Variants in PTPRZ1 observed in about 807,000 individuals in gnomAD.
The protein encoded by PTPRZ1 is receptor-type tyrosine-protein phosphatase zeta.
Under a neutral mutation model 214.1 loss-of-function variants are expected in PTPRZ1, and 82 were observed. The observed-to-expected ratio is 0.38, with a 90% confidence interval of 0.32 to 0.46. The LOEUF (loss-of-function observed/expected upper bound fraction) is 0.46, where lower values mean the gene tolerates loss of function less well. Ranked by LOEUF, PTPRZ1 falls within the 20% of genes least tolerant of loss-of-function variation. The pLI, the probability that PTPRZ1 is intolerant of heterozygous loss-of-function variation, is 1.00. For missense variants in PTPRZ1, 2,603 were observed against 2,748.7 expected, an observed-to-expected ratio of 0.95 and a Z score of 1.19; for synonymous variants, 945 against 987.9, an observed-to-expected ratio of 0.96 and a Z score of 0.81.
chr7:121,874,818 C>A, intron 1 of PTPRZ1, among the ~76,000 whole-genome samples: 1 of 152,064 alleles, frequency 6.6e-6, no homozygotes, highest in East Asian at 1.9e-4. Flanking sequence ...ATTCTAAAAC[C>A]TTATAGTCAG....
At chr7:122,030,990 G>C (rs1562872410) in intron 14 of PTPRZ1, among the ~76,000 whole-genome samples, 1 of 151,882 alleles carries the variant, frequency 6.6e-6, no homozygotes, top group Non-Finnish European at 1.5e-5. Flanking sequence ...AGGAAAAAAT[G>C]TTTTCAAATG....
At chr7:121,932,198 C>T (rs1416944438) in intron 2 of PTPRZ1, among the ~76,000 whole-genome samples, 1 of 152,108 alleles carries the variant, frequency 6.6e-6, no homozygotes, top group Admixed American at 6.5e-5. Context: ...AAATGAAATT[C>T]TTTATCCAAA....
intron 2 of PTPRZ1, among the ~76,000 whole-genome samples, chr7:121,952,269 T>TG (rs61517994): frequency 0.93 from 142,041 of 152,004 alleles, 66,658 homozygotes; most frequent in South Asian, 0.98. Flanking sequence ...GTGTTTTTTT[T>TG]TTTGTTTGTT....
At chr7:122,021,444 G>C (rs1344648528) in intron 13 of PTPRZ1, among the ~76,000 whole-genome samples, 1 of 152,006 alleles carries the variant, frequency 6.6e-6, no homozygotes, top group Non-Finnish European at 1.5e-5. Context: ...ATATATATGA[G>C]TATTTTGGCC....
intron 2 of PTPRZ1, among the ~76,000 whole-genome samples, chr7:121,944,835 G>A (rs1796324763): frequency 6.6e-6 from 1 of 152,102 alleles, no homozygotes; most frequent in South Asian, 2.1e-4. Context: ...TAGAGACGGG[G>A]TTTCAACATG....
intron 1 of PTPRZ1, among the ~76,000 whole-genome samples, chr7:121,924,974 T>C (rs529152287): frequency 2.6e-5 from 4 of 152,306 alleles, no homozygotes; most frequent in East Asian, 3.9e-4. Context: ...TTGTGTCTCT[T>C]GAAGGCAAGC....
intron 1 of PTPRZ1, among the ~76,000 whole-genome samples, chr7:121,903,949 G>C (rs1244204928): frequency 7.4e-6 from 1 of 135,576 alleles, no homozygotes; most frequent in Non-Finnish European, 1.6e-5. Context: ...GCAGGATTCT[G>C]TTCCAGTCTT....
At chr7:121,907,136 T>TA (rs11463328) in intron 1 of PTPRZ1, among the ~76,000 whole-genome samples, 92,824 of 151,818 alleles carry the variant, frequency 0.61, 30,534 homozygotes, top group African/African-American at 0.86. Context: ...TAATGCATGA[T>TA]AAAAAGAATA....
At chr7:121,973,852 TGA>T (rs1237445273) in intron 4 of PTPRZ1, among the ~76,000 whole-genome samples, 8 of 142,700 alleles carry the variant, frequency 5.6e-5, no homozygotes, top group Admixed American at 7.6e-5. Context: ...GGGAATCACT[TGA>T]ACTCAGGAGG....
At chr7:122,008,257 G>T (rs1798551486) in intron 11 of PTPRZ1, among the ~76,000 whole-genome samples, 1 of 152,042 alleles carries the variant, frequency 6.6e-6, no homozygotes, top group Non-Finnish European at 1.5e-5. Flanking sequence ...ACATATCTTT[G>T]GGGAACTTTT....
rs186381192 is a variant in PTPRZ1, at chr7:121,963,173, T to C, written c.125-4778T>C. Among the ~76,000 whole-genome samples, 193 of 152,324 alleles carry C rather than the reference T, an allele frequency of 1.3e-3. 1 individual carries two copies. Among genetic ancestry groups the C allele is most frequent in the African/African-American group, 4.4e-3 (182 of 41,574 alleles). On this transcript the variant is annotated intron_variant, in intron 2 of 29. Transcript: ENST00000393386. ...CAGTTCTTCTTGGTTTAAAATAGTTTAAACAAGAGCTACACAGCAAAGGAG... is the reference window on the plus strand; with the variant it reads ...CAGTTCTTCTTGGTTTAAAATAGTTCAAACAAGAGCTACACAGCAAAGGAG...
At chr7:121,997,362 C>G (rs1239224048) in intron 9 of PTPRZ1, among the ~76,000 whole-genome samples, 1 of 152,056 alleles carries the variant, frequency 6.6e-6, no homozygotes, top group Non-Finnish European at 1.5e-5. Flanking sequence ...ATTTTAGTAA[C>G]CTTTTAATTC....
At position 122,039,467 on chromosome 7, in the gene PTPRZ1, A is replaced by C; in HGVS notation, c.5516A>C (p.Gln1839Pro). The change falls in exon 20 of 30, where the codon CAG becomes CCG. Residue 1839 changes from glutamine to proline, a missense_variant. Physicochemically the swap from Gln to Pro is moderately conservative, Grantham distance 76. Transcript: ENST00000393386. ...TTTCTTTTGCAGAGAAAATGTGATC[A>C]GTACTGGCCTGCCGATGGGAGTGAG... ...LVEKGRRKCD[Q>P]YWPADGSEEY... 2 of 1,610,514 alleles carry C rather than the reference A, an allele frequency of 1.2e-6. No homozygotes were observed. Among genetic ancestry groups the C allele is most frequent in the Non-Finnish European group, 1.7e-6 (2 of 1,179,010 alleles).
rs768546236 is a variant in PTPRZ1 at position 122,011,122 on chromosome 7, C to T, written c.2076C>T (p.Ser692=). Residue 692 remains serine, a synonymous_variant, in exon 12 of 30, where the codon TCC becomes TCT. Coordinates refer to ENST00000393386, the MANE Select transcript of PTPRZ1 (RefSeq NM_002851.3). ...ATGAATCTGAGAAGACAACCAAGTCCTTTTCTGCAGGCCCAGTGATGTCAC... is the reference window on the plus strand; with the variant it reads ...ATGAATCTGAGAAGACAACCAAGTCTTTTTCTGCAGGCCCAGTGATGTCAC... The part of the protein sequence containing the change: ...RVDESEKTTK[S]FSAGPVMSQG... 6.2e-7 allele frequency: 1 copy of T among 1,614,126 alleles called. No homozygotes were observed. Among genetic ancestry groups the T allele is most frequent in the South Asian group, 1.1e-5 (1 of 91,076 alleles).
chr7:122,013,196 G>A lies in PTPRZ1; in HGVS notation c.4150G>A (p.Asp1384Asn), dbSNP rs61732005. ...CATTACAGCTGTTTCTCCCCACAGA[G>A]ATGGTTCTGTAACCTCAACAAAGTT... The part of the protein sequence containing the change: ...VAITAVSPHR[D>N]GSVTSTKLLF... Residue 1384 changes from aspartate (D) to asparagine (N), a missense_variant, in exon 12 of 30, where the codon GAT (aspartate) becomes AAT (asparagine). Physicochemically the swap from Asp to Asn is conservative, Grantham distance 23. Transcript: ENST00000393386. 122,340 of 1,614,074 alleles carry A rather than the reference G, an allele frequency of 0.076. 5,346 individuals carry two copies. Among genetic ancestry groups the A allele is most frequent in the East Asian group, 0.18 (8,301 of 44,874 alleles).
intron 11 of PTPRZ1, among the ~76,000 whole-genome samples, chr7:122,006,896 C>T (rs761932193): frequency 3.3e-5 from 5 of 151,954 alleles, no homozygotes; most frequent in Non-Finnish European, 7.4e-5. Flanking sequence ...ATCAGGGACT[C>T]GTTGTTACAT....
At chr7:121,974,247 T>A (rs909389145) in intron 4 of PTPRZ1, among the ~76,000 whole-genome samples, 2 of 152,180 alleles carry the variant, frequency 1.3e-5, no homozygotes, top group African/African-American at 4.8e-5. Flanking sequence ...AGCACATTTA[T>A]CAAATTTGCT....
chr7:121,922,482 A>G (rs764377227), intron 1 of PTPRZ1, among the ~76,000 whole-genome samples: 13 of 152,104 alleles, frequency 8.5e-5, no homozygotes, highest in Non-Finnish European at 1.8e-4. Context: ...GCTTGAACCC[A>G]GGGCGTAGGC....
At chr7:122,060,836 T>A (rs1421736933) in intron 29 of PTPRZ1, among the ~76,000 whole-genome samples, 1 of 152,206 alleles carries the variant, frequency 6.6e-6, no homozygotes, top group African/African-American at 2.4e-5. Flanking sequence ...AAGAATTAAG[T>A]ACTTATTGGC....
Sources: gnomAD v4.1 joint callset for allele counts (sites outside exome capture counted in the v4.1 genomes callset) on GRCh38, gnomAD v4.1.1 for gene constraint, MANE v1.5 for transcripts, NCBI Gene and HGNC (gene_info 2026-07-23, HGNC 2026-07-21) for gene names.